Variants in AKAP10 observed in about 807,000 individuals in gnomAD.
AKAP10 encodes the protein A-kinase anchor protein 10, mitochondrial.
Under a neutral mutation model 80.8 loss-of-function variants are expected in AKAP10, and 24 were observed. The ratio of observed to expected loss-of-function variants is 0.30; its 90% confidence interval spans 0.22 to 0.42. The LOEUF (loss-of-function observed/expected upper bound fraction) is 0.42. Ranked by LOEUF, AKAP10 falls within the 10% of genes least tolerant of loss-of-function variation. The pLI is 1.00. For synonymous variants in AKAP10, 291 were observed against 277.7 expected (o/e 1.05, Z -0.48); for missense variants, 661 against 794.9 (o/e 0.83, Z 2.03).
chr17:19,976,098 A>C (rs2043562180), intron 1 of AKAP10, among the ~76,000 whole-genome samples: 1 of 152,206 alleles, frequency 6.6e-6, no homozygotes, highest in African/African-American at 2.4e-5. Context: ...AGCTGACAGA[A>C]GACAGAAAAG....
Position 19,968,352 on chromosome 17 carries a change from G to T in AKAP10, c.136+62C>A. ...AAAGAGAGAGTATAACAGGATTAAA[G>T]AACTCACAAATGCAAAGCACATCAC... On this transcript the variant is annotated intron_variant, in intron 2 of 14. Transcript: ENST00000225737. 4 of 1,307,402 alleles carry T rather than the reference G, an allele frequency of 3.1e-6. No homozygotes were observed. The South Asian group carries it at 3.8e-5, about 12-fold the overall frequency. 81.0% of individuals were successfully genotyped at this position (1,307,402 alleles called of 1,614,324 possible). A position where few individuals can be genotyped will look rare whatever the true frequency, so the allele number is the denominator to read the frequency against.
intron 5 of AKAP10, among the ~76,000 whole-genome samples, chr17:19,946,237 T>TA (rs1491288818): frequency 0.051 from 767 of 15,016 alleles, 55 homozygotes; most frequent in Admixed American, 0.072. Flanking sequence ...TATATATATA[T>TA]TATATATATA....
At chr17:19,938,723 T>C (rs1427658384) in intron 8 of AKAP10, among the ~76,000 whole-genome samples, 1 of 151,580 alleles carries the variant, frequency 6.6e-6, no homozygotes, top group African/African-American at 2.4e-5. Flanking sequence ...AATAACAAAT[T>C]ACCTTTGTTG....
chr17:19,950,685 T>A (rs1049601511), intron 4 of AKAP10, among the ~76,000 whole-genome samples: 36 of 152,334 alleles, frequency 2.4e-4, no homozygotes, highest in African/African-American at 7.7e-4. Context: ...GCCGCCTGCC[T>A]TGGCCTCCCA....
At chr17:19,949,148 T>C (rs1320626271) in intron 4 of AKAP10, among the ~76,000 whole-genome samples, 1 of 152,044 alleles carries the variant, frequency 6.6e-6, no homozygotes, top group Non-Finnish European at 1.5e-5. Flanking sequence ...ACTAAAACCA[T>C]GCTCTAAGAA....
chr17:19,940,125 G>A (rs2043036945), intron 7 of AKAP10, among the ~76,000 whole-genome samples: 1 of 152,170 alleles, frequency 6.6e-6, no homozygotes. Context: ...TACTAAACTG[G>A]ATTTGTGGTT....
intron 12 of AKAP10, among the ~76,000 whole-genome samples, chr17:19,915,285 G>A (rs1487249912): frequency 1.3e-5 from 2 of 152,120 alleles, no homozygotes; most frequent in East Asian, 3.8e-4. Flanking sequence ...GAAATGTCAA[G>A]GAAAGAGAAA....
intron 4 of AKAP10, among the ~76,000 whole-genome samples, chr17:19,953,149 A>G (rs1475803734): frequency 6.6e-6 from 1 of 152,138 alleles, no homozygotes; most frequent in African/African-American, 2.4e-5. Flanking sequence ...ACTAAATAAC[A>G]TATTTCTAAA....
At chr17:19,951,108 C>T (rs905773794) in intron 4 of AKAP10, among the ~76,000 whole-genome samples, 4 of 151,942 alleles carry the variant, frequency 2.6e-5, no homozygotes, top group Non-Finnish European at 5.9e-5. Flanking sequence ...AGCCCCTCAG[C>T]CCGGCAGCCG....
At chr17:19,974,036 C>G (rs780382805) in intron 1 of AKAP10, among the ~76,000 whole-genome samples, 7 of 152,010 alleles carry the variant, frequency 4.6e-5, no homozygotes, top group Non-Finnish European at 1.0e-4. Context: ...AACCCTGTCT[C>G]CAAAAATTAG....
At chr17:19,924,360 G>T in intron 11 of AKAP10, 48 bp downstream of exon 11, 1 of 1,306,946 alleles carries the variant, frequency 7.7e-7, no homozygotes, top group Non-Finnish European at 1.0e-6. Flanking sequence ...TTTAAAAGAT[G>T]CAAAGTTATT....
chr17:19,940,922 G>C lies in AKAP10; in HGVS notation c.1150C>G (p.Leu384Val). 3 of 1,609,380 alleles carry C rather than the reference G, an allele frequency of 1.9e-6. No homozygotes were observed. The highest frequency in any genetic ancestry group is 1.7e-4 in the Middle Eastern group (1 of 6,046). ...TSGTVYLADI[L>V]FCESALFYFS... ...TAAAAGAGGGCTGACTCACAGAAGA[G>C]AATGTCAGCCAGGTAAACAGTTCCA... The change falls in exon 7 of 15, where the codon CTC (leucine) becomes GTC (valine). Residue 384 changes from leucine (L) to valine (V), a missense_variant. Coordinates refer to ENST00000225737, the MANE Select transcript of AKAP10 (RefSeq NM_007202.4).
chr17:19,947,862 C>G (rs2043152369), intron 4 of AKAP10, among the ~76,000 whole-genome samples: 1 of 151,844 alleles, frequency 6.6e-6, no homozygotes, highest in East Asian at 1.9e-4. Flanking sequence ...ATGAATTCTG[C>G]TAAAATGGAA....
At chr17:19,939,886 T>C (rs757191623) in intron 7 of AKAP10, 37 bp from the exon 8 acceptor site, 3 of 1,583,322 alleles carry the variant, frequency 1.9e-6, no homozygotes, top group South Asian at 1.2e-5. Flanking sequence ...AATAAGACTA[T>C]AAACAGATTT....
intron 12 of AKAP10, among the ~76,000 whole-genome samples, chr17:19,914,995 G>T (rs545359649): frequency 1.3e-5 from 2 of 152,336 alleles, no homozygotes; most frequent in South Asian, 4.1e-4. Flanking sequence ...AGCCACAGGG[G>T]AAGAGATGAG....
At chr17:19,951,055 A>C (rs1365823658) in intron 4 of AKAP10, among the ~76,000 whole-genome samples, 4 of 150,682 alleles carry the variant, frequency 2.7e-5, no homozygotes, top group Admixed American at 2.0e-4. Flanking sequence ...CTGAGAAGTG[A>C]GGAGCCCCTC....
At chr17:19,925,004 A>AAAAATT (rs2042861513) in intron 10 of AKAP10, among the ~76,000 whole-genome samples, 2 of 152,056 alleles carry the variant, frequency 1.3e-5, no homozygotes, top group Non-Finnish European at 1.5e-5. Flanking sequence ...TTTCTACTAA[A>AAAAATT]AATAAAAAAA....
At chr17:19,928,731 G>A (rs1232763685) in intron 10 of AKAP10, among the ~76,000 whole-genome samples, 3 of 152,088 alleles carry the variant, frequency 2.0e-5, no homozygotes, top group South Asian at 2.1e-4. Context: ...TTAGCTGGGC[G>A]TGGTGGTGCG....
chr17:19,976,407 G>A (rs1223573605), intron 1 of AKAP10, among the ~76,000 whole-genome samples: 2 of 151,682 alleles, frequency 1.3e-5, no homozygotes, highest in Non-Finnish European at 2.9e-5. Context: ...ATTAAACCTG[G>A]GAGACAGAGG....
Sources: gnomAD v4.1 joint callset for allele counts (sites outside exome capture counted in the v4.1 genomes callset) on GRCh38, gnomAD v4.1.1 for gene constraint, MANE v1.5 for transcripts, NCBI Gene and HGNC (gene_info 2026-07-23, HGNC 2026-07-21) for gene names.